PI4KA: variants seen among roughly 807,000 people sequenced by gnomAD.
PI4KA encodes phosphatidylinositol 4-kinase alpha.
In PI4KA, 122 loss-of-function variants were observed where a neutral mutation model predicts 271.4. That is an observed-to-expected ratio of 0.45 (90% confidence interval 0.39 to 0.52). The LOEUF (loss-of-function observed/expected upper bound fraction) is 0.52. Among genes scored for constraint, PI4KA ranks in the 20% least tolerant of loss-of-function variants. The probability of loss-of-function intolerance (pLI) is 0.00; values close to 1 mark genes in which losing one functional copy is unlikely to be tolerated. For missense variants in PI4KA, 1,969 were observed against 2,769.1 expected, an observed-to-expected ratio of 0.71 and a Z score of 6.48; for synonymous variants, 1,041 against 1,078.8, an observed-to-expected ratio of 0.96 and a Z score of 0.69.
intron 4 of PI4KA, among the ~76,000 whole-genome samples, chr22:20,822,104 G>A (rs1922785350): frequency 6.6e-6 from 1 of 152,120 alleles, no homozygotes; most frequent in Non-Finnish European, 1.5e-5. Flanking sequence ...CAGTGCAGGG[G>A]TTCAATGATA....
chr22:20,788,708 TC>T (rs1031472422), intron 19 of PI4KA, among the ~76,000 whole-genome samples: 26 of 152,256 alleles, frequency 1.7e-4, no homozygotes, highest in Non-Finnish European at 3.5e-4. Context: ...GATGGCCCAC[TC>T]CTTCAATTCA....
At chr22:20,772,573 C>T (rs1002159561) in intron 19 of PI4KA, among the ~76,000 whole-genome samples, 6 of 152,194 alleles carry the variant, frequency 3.9e-5, no homozygotes, top group African/African-American at 1.2e-4. Flanking sequence ...CCTTTACACT[C>T]TGGAATTTCT....
At chr22:20,788,633 G>C (rs1277472856) in intron 19 of PI4KA, among the ~76,000 whole-genome samples, 2 of 152,210 alleles carry the variant, frequency 1.3e-5, no homozygotes, top group Non-Finnish European at 2.9e-5. Context: ...AGAGCAGATG[G>C]TGCAGGGGCT....
intron 21 of PI4KA, 31 bp from the exon 22 acceptor site, chr22:20,764,981 G>A (rs750611287): frequency 4.4e-6 from 7 of 1,592,466 alleles, no homozygotes; most frequent in Non-Finnish European, 6.0e-6. Flanking sequence ...GAGGGCTCAT[G>A]GGGCATCCCC....
In PI4KA at chr22:20,764,870, C is replaced by G. The variant is rs1351420516; in HGVS notation, c.2655G>C (p.Leu885=). The change falls in exon 22 of 55, where the codon CTG becomes CTC. Residue 885 remains leucine, a synonymous_variant. Coordinates refer to ENST00000255882, the MANE Select transcript of PI4KA (RefSeq NM_058004.4). ...PPEVSALINK[L]DFAMSTYLLS... ...GGAGGTAGGTGGACATGGCGAAGTC[C>G]AGCTTGTTGATGAGTGCGGACACCT... The G allele has an allele frequency of 6.2e-7, 1 of 1,613,476 alleles. No homozygotes were observed. Among genetic ancestry groups the G allele is most frequent in the African/African-American group, 1.3e-5 (1 of 74,896 alleles).
chr22:20,798,960 C>T, intron 16 of PI4KA, 133 bp downstream of exon 16: 1 of 719,674 alleles, frequency 1.4e-6, no homozygotes. Flanking sequence ...TCTTACTACT[C>T]CGCATTAAAA....
intron 14 of PI4KA, 89 bp from the exon 15 acceptor site, chr22:20,799,855 A>C (rs1470242507): frequency 1.3e-6 from 1 of 745,676 alleles, no homozygotes; most frequent in Non-Finnish European, 2.2e-6. Flanking sequence ...AGGCCTACAA[A>C]GTTTAAAGAA....
intron 14 of PI4KA, among the ~76,000 whole-genome samples, chr22:20,800,374 T>C (rs983712626): frequency 1.3e-5 from 2 of 152,088 alleles, no homozygotes; most frequent in Non-Finnish European, 2.9e-5. Context: ...AGCTCTCAAG[T>C]TGGAAGAACA....
At chr22:20,787,345 C>A (rs1378307549) in intron 19 of PI4KA, 1 of 467,096 alleles carries the variant, frequency 2.1e-6, no homozygotes, top group Non-Finnish European at 4.0e-6. Flanking sequence ...CACAGCAAAC[C>A]TGAGCAGCGC....
intron 23 of PI4KA, among the ~76,000 whole-genome samples, chr22:20,753,574 C>T (rs1475092408): frequency 6.6e-6 from 1 of 152,172 alleles, no homozygotes; most frequent in Non-Finnish European, 1.5e-5. Context: ...TTTTGAAGAA[C>T]AGTTATTTTG....
rs772938803 is a variant in PI4KA at position 20,713,398 on chromosome 22, C to T, written c.5462-8G>A. ...CTGAGCGGCACCGCAGACCTGCCCGCAGGGAGAGAGGCCGCTGTTAGCCTG... is the reference window on the plus strand; with the variant it reads ...CTGAGCGGCACCGCAGACCTGCCCGTAGGGAGAGAGGCCGCTGTTAGCCTG... On this transcript the variant is annotated splice_region_variant and splice_polypyrimidine_tract_variant and intron_variant, in intron 47 of 54. Coordinates refer to ENST00000255882, the MANE Select transcript of PI4KA (RefSeq NM_058004.4). The T allele has an allele frequency of 5.1e-6, 8 of 1,562,804 alleles. No homozygotes were observed. The highest frequency in any genetic ancestry group is 6.9e-6 in the Non-Finnish European group (8 of 1,151,696).
At chr22:20,843,791 T>C (rs991038803) in intron 1 of PI4KA, among the ~76,000 whole-genome samples, 1 of 152,206 alleles carries the variant, frequency 6.6e-6, no homozygotes, top group Non-Finnish European at 1.5e-5. Context: ...TCATTTTGTC[T>C]CTTCCTACTC....
intron 40 of PI4KA, 146 bp from the exon 41 acceptor site, chr22:20,727,543 G>A (rs987759148): frequency 1.3e-6 from 1 of 788,598 alleles, no homozygotes. Context: ...GATGTGTTAT[G>A]GAAAACAACG....
At chr22:20,794,487 T>G (rs1199540865) in intron 18 of PI4KA, among the ~76,000 whole-genome samples, 1 of 152,168 alleles carries the variant, frequency 6.6e-6, no homozygotes, top group Non-Finnish European at 1.5e-5. Context: ...ACTGGGAGAC[T>G]TGGGAAGTTA....
At chr22:20,803,510 G>A (rs915975372) in intron 12 of PI4KA, among the ~76,000 whole-genome samples, 190 bp from the exon 13 acceptor site, 3 of 152,160 alleles carry the variant, frequency 2.0e-5, no homozygotes, top group Admixed American at 6.5e-5. Context: ...TCCACCTATA[G>A]GGGACATCAA....
intron 23 of PI4KA, among the ~76,000 whole-genome samples, chr22:20,755,453 G>T (rs1314060325): frequency 1.3e-5 from 2 of 152,134 alleles, no homozygotes; most frequent in East Asian, 1.9e-4. Flanking sequence ...TAGAAACCAA[G>T]ATCTGAGCAC....
At chr22:20,767,505 G>C (rs1434126412) in intron 19 of PI4KA, among the ~76,000 whole-genome samples, 2 of 152,012 alleles carry the variant, frequency 1.3e-5, no homozygotes, top group African/African-American at 4.8e-5. Flanking sequence ...CTGTTACCCA[G>C]GCTGGAGTGC....
chr22:20,834,599 C>T lies in PI4KA; in HGVS notation c.330G>A (p.Val110=). Residue 110 remains valine, a synonymous_variant, in exon 3 of 55, where the codon GTG becomes GTA. Transcript: ENST00000255882. ...LLRLLKGLPK[V]YWVEESTARK... Reference sequence around the variant, plus strand: ...GAGCTGTGCTTTCTTCTACCCAATACACTTTTGGAAGACCTTTGAGAAGTC... The same window carrying T: ...GAGCTGTGCTTTCTTCTACCCAATATACTTTTGGAAGACCTTTGAGAAGTC... 3.1e-6 allele frequency: 5 copies of T among 1,611,500 alleles called. No individual in the cohort carries two copies. Among genetic ancestry groups the T allele is most frequent in the Non-Finnish European group, 4.2e-6 (5 of 1,177,634 alleles).
At chr22:20,717,373 C>T (rs1400311473) in intron 45 of PI4KA, among the ~76,000 whole-genome samples, 2 of 152,258 alleles carry the variant, frequency 1.3e-5, no homozygotes, top group Non-Finnish European at 2.9e-5. Context: ...GGCCCGCCAT[C>T]CCCTCGTCTG....
Sources: allele counts gnomAD v4.1 joint callset (sites outside exome capture counted in the v4.1 genomes callset), GRCh38; gene constraint gnomAD v4.1.1; transcripts MANE v1.5; gene names NCBI Gene and HGNC (gene_info 2026-07-23, HGNC 2026-07-21).